PEX3: variants seen among roughly 807,000 people sequenced by gnomAD.
PEX3 encodes the protein peroxisomal biogenesis factor 3.
PEX3 carries 30 observed loss-of-function variants against 55.8 expected under a neutral mutation model. The observed-to-expected ratio is 0.54, with a 90% confidence interval of 0.40 to 0.73. The LOEUF is 0.73. PEX3 is among the 30% of genes least tolerant of loss of function. PEX3 has a pLI of 0.00. For synonymous variants in PEX3, 135 were observed against 148.4 expected, an observed-to-expected ratio of 0.91 and a Z score of 0.66; for missense variants, 351 against 432.8, an observed-to-expected ratio of 0.81 and a Z score of 1.68.
chr6:143,489,212 C>G lies in PEX3; in HGVS notation c.1108C>G (p.Gln370Glu). Residue 370 changes from glutamine to glutamate, a missense_variant, in exon 12 of 12, where the codon CAA becomes GAA. Transcript: ENST00000367591. This position sits in a 1 kb window ranked among gnomAD's most constrained non-coding sequence, Gnocchi z 5.5. Reference sequence around the variant, plus strand: ...GTATGAAGCTTTTAGTACCCCTCAGCAACTGGAGAAATGATTTTTCCTTCA... The same window carrying G: ...GTATGAAGCTTTTAGTACCCCTCAGGAACTGGAGAAATGATTTTTCCTTCA... ...NVYEAFSTPQ[Q>E]LEK The G allele has an allele frequency of 1.3e-6, 2 of 1,593,450 alleles. No homozygotes were observed. The highest frequency in any genetic ancestry group is 2.2e-5 in the South Asian group (2 of 90,662).
In PEX3 at chr6:143,463,069, T is replaced by C; in HGVS notation, c.287+72T>C. 9.1e-7 allele frequency: 1 copy of C among 1,095,706 alleles called. No individual in the cohort carries two copies. Among genetic ancestry groups the C allele is most frequent in the South Asian group, 1.3e-5 (1 of 76,848 alleles). 67.9% of individuals were successfully genotyped at this position (1,095,706 alleles called of 1,614,324 possible). A position where few individuals can be genotyped will look rare whatever the true frequency, so the allele number is the denominator to read the frequency against. ...TTTATAGAATGAACTGATAGACTTT[T>C]CAAAAATCTTTGTTATTTTTCTATC... On this transcript the variant is annotated intron_variant, in intron 3 of 11. Coordinates refer to ENST00000367591, the MANE Select transcript of PEX3 (RefSeq NM_003630.3). This position sits in a 1 kb window ranked among gnomAD's most constrained non-coding sequence, Gnocchi z 5.7.
rs6935618 is a variant in PEX3 at position 143,453,062 on chromosome 6, A to G, written c.73+1947A>G. ...TCAGAATTAGTGAAGGGGAACTGGA[A>G]TTCAAACCCAGGTGTGTTGGACCAC... is the stretch of plus-strand genomic sequence containing the variant. On this transcript the variant is annotated intron_variant, in intron 1 of 11. Transcript: ENST00000367591. The surrounding 1 kb of genome is among the most constrained non-coding windows in gnomAD (Gnocchi z 4.6). Among the ~76,000 whole-genome samples, 47,845 of 152,020 alleles carry G rather than the reference A, an allele frequency of 0.31. 8,596 individuals are homozygous for G. Among genetic ancestry groups the G allele is most frequent in the African/African-American group, 0.49 (20,450 of 41,424 alleles).
At chr6:143,474,038 A>G (rs186071437) in intron 8 of PEX3, among the ~76,000 whole-genome samples, 116 of 152,176 alleles carry the variant, frequency 7.6e-4, no homozygotes, top group African/African-American at 2.6e-3. Context: ...AAGCTGAGGC[A>G]GGAGGATCAC....
intron 1 of PEX3, among the ~76,000 whole-genome samples, chr6:143,452,861 C>G (rs997388324): frequency 1.3e-5 from 2 of 152,084 alleles, no homozygotes; most frequent in African/African-American, 4.8e-5. Context: ...AATGGAAATA[C>G]AAGATTTATA....
rs991409416 is a variant in PEX3 at position 143,454,372 on chromosome 6, T to C, written c.73+3257T>C. On this transcript the variant is annotated intron_variant, in intron 1 of 11. Coordinates refer to ENST00000367591, the MANE Select transcript of PEX3 (RefSeq NM_003630.3). This position sits in a 1 kb window ranked among gnomAD's most constrained non-coding sequence, Gnocchi z 4.3. ...GCCCATGCCACACTTTGAGAACCAT[T>C]GCACTGGAAAAAGTTTTGGAGAACA... is the stretch of plus-strand genomic sequence containing the variant. Among the ~76,000 whole-genome samples the C allele has an allele frequency of 6.6e-6, 1 of 152,244 alleles. No individual in the cohort carries two copies. Among genetic ancestry groups the C allele is most frequent in the South Asian group, 2.1e-4 (1 of 4,832 alleles).
In PEX3 at chr6:143,459,018, T is replaced by C; in HGVS notation, c.74-67T>C. ...ATATAAAACTTATAATTGCATAAAGTAGGTTAAAAATACTGTGTAGAATTT... is the reference window on the plus strand; with the variant it reads ...ATATAAAACTTATAATTGCATAAAGCAGGTTAAAAATACTGTGTAGAATTT... On this transcript the variant is annotated intron_variant, in intron 1 of 11. Transcript: ENST00000367591. This position sits in a 1 kb window ranked among gnomAD's most constrained non-coding sequence, Gnocchi z 4.2. 1 of 1,036,412 alleles carries C rather than the reference T, an allele frequency of 9.6e-7. No homozygotes were observed. Among genetic ancestry groups the C allele is most frequent in the Non-Finnish European group, 1.5e-6 (1 of 668,704 alleles). The allele number at this position is 1,036,412 out of a possible 1,614,324, so 64.2% of individuals were successfully genotyped here.
rs1780211773 is a variant in PEX3 at position 143,479,962 on chromosome 6, T to TA, written c.941+768dup. On this transcript the variant is annotated intron_variant, in intron 10 of 11. Coordinates refer to ENST00000367591, the MANE Select transcript of PEX3 (RefSeq NM_003630.3). The surrounding 1 kb of genome is among the most constrained non-coding windows in gnomAD (Gnocchi z 4.6). ...TGAGACACATCCTTTGAAGTAGCTT[T>TA]AAAATTTTTTTTTTAATTGGGGACA... Among the ~76,000 whole-genome samples the TA allele has an allele frequency of 6.6e-6, 1 of 152,088 alleles. No individual in the cohort carries two copies. The highest frequency in any genetic ancestry group is 1.5e-5 in the Non-Finnish European group (1 of 67,956).
chr6:143,476,705 A>G lies in PEX3; in HGVS notation c.818+1849A>G, dbSNP rs1780158347. Among the ~76,000 whole-genome samples the G allele has an allele frequency of 1.3e-5, 2 of 152,150 alleles. No individual in the cohort carries two copies. The highest frequency in any genetic ancestry group is 4.1e-4 in the South Asian group (2 of 4,820). The stretch of plus-strand genomic sequence containing the variant: ...GGGCTGAGCATTTGAGGAAATAGGA[A>G]CTGCCATTTACATTTTGGCAGTGTT... On this transcript the variant is annotated intron_variant, in intron 9 of 11. Coordinates refer to ENST00000367591, the MANE Select transcript of PEX3 (RefSeq NM_003630.3). This position sits in a 1 kb window ranked among gnomAD's most constrained non-coding sequence, Gnocchi z 5.4.
In PEX3 at chr6:143,459,293, T is replaced by A; in HGVS notation, c.205+77T>A. ...AATTTGCATATCACCGGGATCAAAT[T>A]TAGAGGAAAAGGCAAAGAAAAGATG... On this transcript the variant is annotated intron_variant, in intron 2 of 11. Coordinates refer to ENST00000367591, the MANE Select transcript of PEX3 (RefSeq NM_003630.3). The surrounding 1 kb of genome is among the most constrained non-coding windows in gnomAD (Gnocchi z 4.2). The A allele has an allele frequency of 7.8e-7, 1 of 1,286,096 alleles. No homozygotes were observed. Among genetic ancestry groups the A allele is most frequent in the Middle Eastern group, 1.8e-4 (1 of 5,414 alleles). The allele number at this position is 1,286,096 out of a possible 1,614,324, so 79.7% of individuals were successfully genotyped here.
chr6:143,483,209 T>G lies in PEX3; in HGVS notation c.942-1943T>G, dbSNP rs1780266007. ...GCCAGTTTGTTAATCTAAGATTTAT[T>G]GAACACGTGTTATGAATCAGGCACT... On this transcript the variant is annotated intron_variant, in intron 10 of 11. Transcript: ENST00000367591. The surrounding 1 kb of genome is among the most constrained non-coding windows in gnomAD (Gnocchi z 4.3). Among the ~76,000 whole-genome samples the G allele has an allele frequency of 6.6e-6, 1 of 152,170 alleles. No individual in the cohort carries two copies. The highest frequency in any genetic ancestry group is 2.4e-5 in the African/African-American group (1 of 41,460).
In PEX3 at chr6:143,486,792, G is replaced by A. The variant is rs868695103; in HGVS notation, c.1038+1544G>A. Among the ~76,000 whole-genome samples, 4 of 152,276 alleles carry A rather than the reference G, an allele frequency of 2.6e-5. No homozygotes were observed. The highest frequency in any genetic ancestry group is 2.1e-4 in the South Asian group (1 of 4,828). On this transcript the variant is annotated intron_variant, in intron 11 of 11. Coordinates refer to ENST00000367591, the MANE Select transcript of PEX3 (RefSeq NM_003630.3). The surrounding 1 kb of genome is among the most constrained non-coding windows in gnomAD (Gnocchi z 5.0). Reference sequence around the variant, plus strand: ...TAGGAGAGCCTATGGTGGGAATGCTGTAGAACAGGGGTTTGGCAAACTGTA... The same window carrying A: ...TAGGAGAGCCTATGGTGGGAATGCTATAGAACAGGGGTTTGGCAAACTGTA...
intron 1 of PEX3, among the ~76,000 whole-genome samples, chr6:143,457,876 A>C (rs142270320): frequency 6.6e-6 from 1 of 152,222 alleles, no homozygotes; most frequent in African/African-American, 2.4e-5. Context: ...TAGCTGTAGG[A>C]TTTGGTTGGC....
chr6:143,480,290 GTA>G (rs1780217080), intron 10 of PEX3, among the ~76,000 whole-genome samples: 1 of 152,046 alleles, frequency 6.6e-6, no homozygotes, highest in Admixed American at 6.6e-5. Context: ...ACCATAATCT[GTA>G]TATAGCAAGA....
Position 143,453,640 on chromosome 6 carries a change from G to A in PEX3, c.73+2525G>A, listed in dbSNP as rs955946147. Among the ~76,000 whole-genome samples the A allele has an allele frequency of 6.6e-6, 1 of 152,140 alleles. No homozygotes were observed. Among genetic ancestry groups the A allele is most frequent in the African/African-American group, 2.4e-5 (1 of 41,424 alleles). The stretch of plus-strand genomic sequence containing the variant: ...AAGGCAAGTAGAAAGGCTTCCTTAT[G>A]AAGATTTGCCTGACATCTTCACACT... On this transcript the variant is annotated intron_variant, in intron 1 of 11. Coordinates refer to ENST00000367591, the MANE Select transcript of PEX3 (RefSeq NM_003630.3). This position sits in a 1 kb window ranked among gnomAD's most constrained non-coding sequence, Gnocchi z 4.6.
rs183427555 is a variant in PEX3 at position 143,475,900 on chromosome 6, A to G, written c.818+1044A>G. Among the ~76,000 whole-genome samples the G allele has an allele frequency of 1.8e-3, 281 of 152,350 alleles. 2 individuals are homozygous for G. Among genetic ancestry groups the G allele is most frequent in the Non-Finnish European group, 4.9e-4 (33 of 68,030 alleles). ...ATTTATCTCATTGAATTATTCATCA[A>G]CTATGTATTGGCTGTCTGTGGTATA... On this transcript the variant is annotated intron_variant, in intron 9 of 11. Coordinates refer to ENST00000367591, the MANE Select transcript of PEX3 (RefSeq NM_003630.3). This position sits in a 1 kb window ranked among gnomAD's most constrained non-coding sequence, Gnocchi z 4.4.
chr6:143,471,208 TTTAGTA>T lies in PEX3; in HGVS notation c.456+127_456+132del, dbSNP rs1780069043. The stretch of plus-strand genomic sequence containing the variant: ...TTTATATTTCATGTGATTGTGAACT[TTTAGTA>T]TTATGAATAATTTTTATATGTTGAA... On this transcript the variant is annotated intron_variant, in intron 5 of 11. Transcript: ENST00000367591. This position sits in a 1 kb window ranked among gnomAD's most constrained non-coding sequence, Gnocchi z 5.4. The T allele has an allele frequency of 1.5e-5, 16 of 1,042,194 alleles. No individual in the cohort carries two copies. In the South Asian group the frequency reaches 2.3e-4, roughly 15 times the overall value. 64.6% of individuals were successfully genotyped at this position (1,042,194 alleles called of 1,614,324 possible). A position where few individuals can be genotyped will look rare whatever the true frequency, so the allele number is the denominator to read the frequency against.
intron 10 of PEX3, among the ~76,000 whole-genome samples, chr6:143,484,424 T>C (rs1163278101): frequency 6.6e-6 from 1 of 152,050 alleles, no homozygotes; most frequent in African/African-American, 2.4e-5. Context: ...AGATTTCTTT[T>C]GAGAAATCTT....
At chr6:143,474,328 G>A (rs746831249) in intron 8 of PEX3, among the ~76,000 whole-genome samples, 50 of 151,564 alleles carry the variant, frequency 3.3e-4, no homozygotes, top group East Asian at 3.9e-4. Context: ...TCGTGGTGGC[G>A]CACGCTTGTA....
In PEX3 at chr6:143,479,050, T is replaced by C; in HGVS notation, c.819-26T>C. On this transcript the variant is annotated intron_variant, in intron 9 of 11. Coordinates refer to ENST00000367591, the MANE Select transcript of PEX3 (RefSeq NM_003630.3). This position sits in a 1 kb window ranked among gnomAD's most constrained non-coding sequence, Gnocchi z 4.6. ...TCTCTTCCATTCAGAGTCTAAAAAG[T>C]AACTTATACTTCTTACTTTATATAG... The C allele has an allele frequency of 6.8e-7, 1 of 1,469,396 alleles. No individual in the cohort carries two copies. Among genetic ancestry groups the C allele is most frequent in the Middle Eastern group, 1.7e-4 (1 of 5,758 alleles). 91.0% of individuals were successfully genotyped at this position (1,469,396 alleles called of 1,614,324 possible). A position where few individuals can be genotyped will look rare whatever the true frequency, so the allele number is the denominator to read the frequency against.
Sources: gnomAD v4.1 joint callset for allele counts (sites outside exome capture counted in the v4.1 genomes callset) on GRCh38, gnomAD v4.1.1 for gene constraint, Gnocchi (gnomAD v3.1) non-coding constraint, MANE v1.5 for transcripts, NCBI Gene and HGNC (gene_info 2026-07-23, HGNC 2026-07-21) for gene names.